The following HELLS variants were observed in gnomAD, a reference collection of about 807,000 sequenced individuals.
The protein encoded by HELLS is lymphoid-specific helicase.
A neutral mutation model predicts 120.0 loss-of-function variants in HELLS; 32 were observed. That is an observed-to-expected ratio of 0.27 (90% CI 0.20 to 0.36). The LOEUF (loss-of-function observed/expected upper bound fraction) is 0.36. Ranked by LOEUF, HELLS falls within the 10% of genes least tolerant of loss-of-function variation. The pLI is 1.00. For missense variants in HELLS, 650 were observed against 993.4 expected (o/e 0.65, Z 4.65); for synonymous variants, 341 against 323.4 (o/e 1.05, Z -0.58).
chr10:94,548,736 GT>G (rs1469745857), intron 2 of HELLS, among the ~76,000 whole-genome samples: 1 of 152,150 alleles, frequency 6.6e-6, no homozygotes, highest in African/African-American at 2.4e-5. Context: ...GCTCACGCTT[GT>G]AATCCCAGCA....
intron 12 of HELLS, among the ~76,000 whole-genome samples, chr10:94,585,744 T>G (rs1845111338): frequency 6.7e-6 from 1 of 149,010 alleles, no homozygotes; most frequent in African/African-American, 2.5e-5. Flanking sequence ...GGCAGGAGAG[T>G]AGTGGTGCCA....
intron 9 of HELLS, among the ~76,000 whole-genome samples, chr10:94,575,058 A>G (rs1844363140): frequency 6.6e-6 from 1 of 151,632 alleles, no homozygotes; most frequent in Admixed American, 6.6e-5. Context: ...AAGGCTAAGA[A>G]GAGAGTTTTC....
intron 10 of HELLS, among the ~76,000 whole-genome samples, chr10:94,580,152 TA>T (rs1844776660): frequency 2.0e-5 from 1 of 51,182 alleles, no homozygotes; most frequent in African/African-American, 1.1e-4. Context: ...TATATATATA[TA>T]TATATATATA....
intron 21 of HELLS, among the ~76,000 whole-genome samples, chr10:94,597,564 G>T (rs1325299808): frequency 2.0e-5 from 3 of 152,172 alleles, no homozygotes; most frequent in Non-Finnish European, 4.4e-5. Context: ...ACAGAGTCTT[G>T]CCCTGTCGCC....
At chr10:94,567,402 G>T (rs1032424970) in intron 6 of HELLS, among the ~76,000 whole-genome samples, 2 of 152,046 alleles carry the variant, frequency 1.3e-5, no homozygotes, top group Admixed American at 1.3e-4. Context: ...AGGTTCAAGC[G>T]ATTCTCCTGC....
chr10:94,558,941 G>T (rs1360159961), intron 4 of HELLS, among the ~76,000 whole-genome samples: 1 of 152,036 alleles, frequency 6.6e-6, no homozygotes, highest in Non-Finnish European at 1.5e-5. Flanking sequence ...TTAGGTAGAG[G>T]TACTTTTTTC....
At chr10:94,579,967 C>A (rs1844741510) in intron 10 of HELLS, among the ~76,000 whole-genome samples, 1 of 151,658 alleles carries the variant, frequency 6.6e-6, no homozygotes, top group African/African-American at 2.4e-5. Flanking sequence ...TTTCAAGGAT[C>A]TTAGCTTACT....
exon 10 of HELLS, chr10:94,611,102 G>A (rs930708765): frequency 6.6e-6 from 1 of 152,180 alleles, no homozygotes; most frequent in Non-Finnish European, 1.5e-5. Context: ...GTAATTAGAA[G>A]TGTTCTTTTC....
At chr10:94,606,048 C>G (rs1249828381), downstream of HELLS, among the ~76,000 whole-genome samples, 1 of 143,942 alleles carries the variant, frequency 6.9e-6, no homozygotes, top group Non-Finnish European at 1.5e-5. Flanking sequence ...AGTGATGTGT[C>G]TTGGTATGGG....
chr10:94,559,530 C>T (rs1027838424), intron 4 of HELLS, among the ~76,000 whole-genome samples: 4 of 151,970 alleles, frequency 2.6e-5, no homozygotes, highest in South Asian at 4.1e-4. Flanking sequence ...ACTGCTACCT[C>T]CACCTCCTGG....
rs1844306976 is a variant in HELLS at position 94,573,897 on chromosome 10, A to G, written c.478-63A>G. 3.4e-6 allele frequency: 3 copies of G among 886,360 alleles called. No homozygotes were observed. The East Asian group carries it at 7.2e-5, about 21-fold the overall frequency. 54.9% of individuals were successfully genotyped at this position (886,360 alleles called of 1,614,324 possible). On this transcript the variant is annotated intron_variant, in intron 7 of 21. Coordinates refer to ENST00000348459, the MANE Select transcript of HELLS (RefSeq NM_018063.5). ...TAGATTTTGTTAGTTGCATTTTCTG[A>G]TAAATGGTGGCATACAGCAGCATTT...
At chr10:94,609,285 A>G (rs1846164670) in intron 9 of HELLS, among the ~76,000 whole-genome samples, 1 of 152,088 alleles carries the variant, frequency 6.6e-6, no homozygotes, top group Non-Finnish European at 1.5e-5. Flanking sequence ...GGCCTCCCAA[A>G]GTGCTGGGAT....
intron 2 of HELLS, among the ~76,000 whole-genome samples, chr10:94,548,449 A>G (rs1243331847): frequency 6.6e-6 from 1 of 152,152 alleles, no homozygotes; most frequent in Non-Finnish European, 1.5e-5. Context: ...ATTTAAAGAA[A>G]GATATGCCTG....
chr10:94,609,915 C>A (rs527720029), exon 10 of HELLS: 1 of 152,280 alleles, frequency 6.6e-6, no homozygotes, highest in Admixed American at 6.5e-5. Flanking sequence ...CAGGTTTAAT[C>A]TTTTTCTTGG....
Position 94,588,258 on chromosome 10 carries a change from G to T in HELLS, c.1356G>T (p.Leu452=). The T allele has an allele frequency of 6.2e-7, 1 of 1,604,890 alleles. No homozygotes were observed. The highest frequency in any genetic ancestry group is 8.5e-7 in the Non-Finnish European group (1 of 1,174,558). Residue 452 remains leucine (L), a synonymous_variant, in exon 13 of 22, where the codon CTG becomes CTT. Coordinates refer to ENST00000348459, the MANE Select transcript of HELLS (RefSeq NM_018063.5). ...TAACACCTTTCTTATTGAGAAGACT[G>T]AAGTCTGATGTTGCTCTTGAAGTTC... The part of the protein sequence containing the change: ...QILTPFLLRR[L]KSDVALEVPP...
At chr10:94,589,680 C>CTTTTT (rs67491329) in intron 13 of HELLS, among the ~76,000 whole-genome samples, 25 of 91,990 alleles carry the variant, frequency 2.7e-4, no homozygotes, top group African/African-American at 7.6e-4. Context: ...CTCCCCCCGA[C>CTTTTT]TTTTTTTTTT....
At position 94,578,193 on chromosome 10, in the gene HELLS, C is replaced by G. The variant is rs529170676; in HGVS notation, c.1032+1388C>G. Among the ~76,000 whole-genome samples the G allele has an allele frequency of 2.6e-5, 4 of 151,826 alleles. No individual in the cohort carries two copies. The South Asian group carries it at 8.3e-4, about 32-fold the overall frequency. Reference sequence around the variant, plus strand: ...AGGTTGCAGTGAGCTGTGATTGCGCCACTGCACTCTAGCCTGTGCTACAGT... The same window carrying G: ...AGGTTGCAGTGAGCTGTGATTGCGCGACTGCACTCTAGCCTGTGCTACAGT... On this transcript the variant is annotated intron_variant, in intron 10 of 21. Coordinates refer to ENST00000348459, the MANE Select transcript of HELLS (RefSeq NM_018063.5).
At chr10:94,592,030 T>G (rs1845512802) in intron 15 of HELLS, among the ~76,000 whole-genome samples, 199 bp from the exon 16 acceptor site, 1 of 152,216 alleles carries the variant, frequency 6.6e-6, no homozygotes, top group African/African-American at 2.4e-5. Flanking sequence ...TTTGTTTTTG[T>G]GAAATTGCTG....
chr10:94,545,820 G>C lies in HELLS; in HGVS notation c.-102G>C, dbSNP rs946881796. 16 of 1,335,226 alleles carry C rather than the reference G, an allele frequency of 1.2e-5. No individual in the cohort carries two copies. The highest frequency in any genetic ancestry group is 3.6e-4 in the Middle Eastern group (2 of 5,618). 82.7% of individuals were successfully genotyped at this position (1,335,226 alleles called of 1,614,324 possible). A position where few individuals can be genotyped will look rare whatever the true frequency, so the allele number is the denominator to read the frequency against. The stretch of plus-strand genomic sequence containing the variant: ...AAGCGCGCTTTTTTCCCTGGCGGGG[G>C]ATTTGGCTAGAAGGCTGGGCCGGCA... On this transcript the variant is annotated 5_prime_UTR_variant, in exon 1 of 22. Coordinates refer to ENST00000348459, the MANE Select transcript of HELLS (RefSeq NM_018063.5).
Sources: gnomAD v4.1 joint callset for allele counts (sites outside exome capture counted in the v4.1 genomes callset) on GRCh38, gnomAD v4.1.1 for gene constraint, MANE v1.5 for transcripts, NCBI Gene and HGNC (gene_info 2026-07-23, HGNC 2026-07-21) for gene names.